The following PTPRM variants were observed in gnomAD, a reference collection of about 807,000 sequenced individuals.
PTPRM encodes the protein protein tyrosine phosphatase receptor type M, also known as receptor-type tyrosine-protein phosphatase mu.
Under a neutral mutation model 186.7 loss-of-function variants are expected in PTPRM, and 47 were observed. The ratio of observed to expected loss-of-function variants is 0.25; its 90% CI spans 0.20 to 0.32. The LOEUF is 0.32. Ranked by LOEUF, PTPRM falls within the 10% of genes least tolerant of loss-of-function variation. The pLI is 1.00. For synonymous variants in PTPRM, 668 were observed against 674.9 expected (o/e 0.99, Z 0.16); for missense variants, 1,494 against 1,865.0 (o/e 0.80, Z 3.66).
At chr18:7,768,818 G>T (rs1055998121) in intron 1 of PTPRM, among the ~76,000 whole-genome samples, 4 of 151,758 alleles carry the variant, frequency 2.6e-5, no homozygotes, top group Non-Finnish European at 5.9e-5. Context: ...GGCTAATTTT[G>T]TATTTTTAGT....
intron 7 of PTPRM, among the ~76,000 whole-genome samples, chr18:8,042,496 T>G (rs1323773271): frequency 2.6e-5 from 4 of 152,164 alleles, no homozygotes; most frequent in Admixed American, 6.6e-5. Flanking sequence ...AAAATTAAAA[T>G]AAACTGCACT....
chr18:7,621,953 TAA>T (rs1283166263), intron 1 of PTPRM, among the ~76,000 whole-genome samples: 2 of 152,336 alleles, frequency 1.3e-5, no homozygotes, highest in East Asian at 3.9e-4. Flanking sequence ...TGTGTGGACA[TAA>T]GTTTTCAACT....
chr18:8,057,425 C>CTTTTTTTTTTTTTTTTTTTTTTGTTTTT (rs763829289), intron 7 of PTPRM, among the ~76,000 whole-genome samples: 1 of 102,560 alleles, frequency 9.8e-6, no homozygotes, highest in African/African-American at 4.3e-5. Flanking sequence ...TGTGATACTT[C>CTTTTTTTTTTTTTTTTTTTTTTGTTTTT]TTTTTTTTTT....
chr18:7,678,624 A>G (rs918024929), intron 1 of PTPRM, among the ~76,000 whole-genome samples: 2 of 152,168 alleles, frequency 1.3e-5, no homozygotes, highest in Non-Finnish European at 2.9e-5. Flanking sequence ...ATGTACATAC[A>G]TATGAAGTCC....
rs2037432119 is a variant in PTPRM, at chr18:7,602,666, A to G, written c.73+34775A>G. Among the ~76,000 whole-genome samples the G allele has an allele frequency of 2.0e-5, 3 of 151,582 alleles. No homozygotes were observed. In the South Asian group the frequency reaches 6.2e-4, roughly 32 times the overall value. ...GTGGCAATGCTTTTTTTTTTAAAGC[A>G]TATTATTTACTATAGAGCTTTATAG... is the stretch of plus-strand genomic sequence containing the variant. On this transcript the variant is annotated intron_variant, in intron 1 of 32. Transcript: ENST00000580170.
At chr18:8,143,929 C>A (rs2092821185) in intron 14 of PTPRM, 150 bp downstream of exon 14, 5 of 1,101,350 alleles carry the variant, frequency 4.5e-6, no homozygotes, top group African/African-American at 1.6e-5. Context: ...CATCATGTGG[C>A]ATGGAAGGTT....
Position 8,113,739 on chromosome 18 carries a change from G to A in PTPRM, c.2110G>A (p.Ala704Thr). 1 of 1,613,514 alleles carries A rather than the reference G, an allele frequency of 6.2e-7. No individual in the cohort carries two copies. Among genetic ancestry groups the A allele is most frequent in the South Asian group, 1.1e-5 (1 of 91,038 alleles). Reference protein sequence around the residue: ...PYKSYRIYFQAASRANGETKI... With the variant: ...PYKSYRIYFQTASRANGETKI... ...TAAAAGCTACAGAATTTATTTCCAA[G>A]CTGCTAGTAGAGCCAATGGGGTAAG... Residue 704 changes from alanine (A) to threonine (T), a missense_variant, in exon 12 of 33, where the codon GCT becomes ACT. By Grantham distance (58) the Ala-to-Thr change is moderately conservative (BLOSUM62 0). Transcript: ENST00000580170.
At chr18:8,151,384 C>G (rs1370966272) in intron 14 of PTPRM, among the ~76,000 whole-genome samples, 1 of 151,898 alleles carries the variant, frequency 6.6e-6, no homozygotes. Flanking sequence ...CTGCAGTGGA[C>G]TCCACCCAGT....
At chr18:8,249,911 G>A (rs947767174) in intron 17 of PTPRM, among the ~76,000 whole-genome samples, 4 of 152,166 alleles carry the variant, frequency 2.6e-5, no homozygotes, top group African/African-American at 4.8e-5. Context: ...CCAAATGGTA[G>A]TACTTGGGAA....
At chr18:7,826,691 A>G (rs949983537) in intron 2 of PTPRM, among the ~76,000 whole-genome samples, 5 of 152,256 alleles carry the variant, frequency 3.3e-5, no homozygotes, top group African/African-American at 9.6e-5. Flanking sequence ...AAATTTATCA[A>G]ACAAAATAAA....
chr18:8,017,901 T>C (rs190149769), intron 7 of PTPRM: 2 of 152,150 alleles, frequency 1.3e-5, no homozygotes, highest in Non-Finnish European at 2.9e-5. Context: ...AAAACAATTC[T>C]GGCCCCACCT....
At chr18:8,216,731 G>C (rs1055572346) in intron 14 of PTPRM, among the ~76,000 whole-genome samples, 2 of 152,154 alleles carry the variant, frequency 1.3e-5, no homozygotes, top group Non-Finnish European at 2.9e-5. Context: ...GCATGCCTAG[G>C]CATTTTGTGG....
intron 14 of PTPRM, among the ~76,000 whole-genome samples, chr18:8,211,852 G>A (rs1444598241): frequency 6.6e-6 from 1 of 152,140 alleles, no homozygotes; most frequent in Non-Finnish European, 1.5e-5. Flanking sequence ...GACTGGGAAG[G>A]GCAGCACAAC....
intron 14 of PTPRM, among the ~76,000 whole-genome samples, chr18:8,228,169 A>G (rs2094238693): frequency 6.6e-6 from 1 of 152,124 alleles, no homozygotes; most frequent in African/African-American, 2.4e-5. Flanking sequence ...GGAGGGCAGA[A>G]TGCCTCTTAT....
At chr18:8,380,192 G>T in intron 28 of PTPRM, 104 bp from the exon 29 acceptor site, 4 of 1,246,988 alleles carry the variant, frequency 3.2e-6, no homozygotes, top group Middle Eastern at 2.0e-4. Flanking sequence ...TGTTAAACAT[G>T]TTCAGTGTTT....
At chr18:8,027,883 C>G (rs1255423803) in intron 7 of PTPRM, among the ~76,000 whole-genome samples, 1 of 152,198 alleles carries the variant, frequency 6.6e-6, no homozygotes, top group African/African-American at 2.4e-5. Context: ...CCATCTCTAG[C>G]CCCAGCCCCT....
At chr18:7,890,363 A>G (rs1211162051) in intron 3 of PTPRM, among the ~76,000 whole-genome samples, 2 of 152,168 alleles carry the variant, frequency 1.3e-5, no homozygotes, top group African/African-American at 4.8e-5. Flanking sequence ...TCCATTCTGC[A>G]GCTTTGGTGT....
chr18:7,567,875 G>T lies in PTPRM; in HGVS notation c.57G>T (p.Ala19=). The T allele has an allele frequency of 6.4e-7, 1 of 1,561,266 alleles. No homozygotes were observed. Among genetic ancestry groups the T allele is most frequent in the South Asian group, 1.2e-5 (1 of 86,244 alleles). ...TGGCCGGACTTTTGCTAACTGCGGCGGGCGAGACGTTCTCAGGTAAGCGGG... is the reference window on the plus strand; with the variant it reads ...TGGCCGGACTTTTGCTAACTGCGGCTGGCGAGACGTTCTCAGGTAAGCGGG... ...ATLAGLLLTA[A]GETFSGGCLF... Residue 19 remains alanine, a synonymous_variant, in exon 1 of 33, where the codon GCG becomes GCT. Transcript: ENST00000580170. This position sits in a 1 kb window ranked among gnomAD's most constrained non-coding sequence, Gnocchi z 4.3.
At chr18:7,951,117 A>G (rs2052924536) in intron 6 of PTPRM, among the ~76,000 whole-genome samples, 1 of 152,180 alleles carries the variant, frequency 6.6e-6, no homozygotes, top group Non-Finnish European at 1.5e-5. Context: ...TGAGACTTGA[A>G]CCAGCCTAAT....
Sources: gnomAD v4.1 joint callset for allele counts (sites outside exome capture counted in the v4.1 genomes callset) on GRCh38, gnomAD v4.1.1 for gene constraint, Gnocchi (gnomAD v3.1) non-coding constraint, MANE v1.5 for transcripts, NCBI Gene and HGNC (gene_info 2026-07-23, HGNC 2026-07-21) for gene names.